The following ANO2 variants were observed in gnomAD, a reference collection of about 807,000 sequenced individuals.
The protein encoded by ANO2 is anoctamin 2, also known as anoctamin-2.
A neutral mutation model predicts 124.2 loss-of-function variants in ANO2; 101 were observed. The observed-to-expected ratio is 0.81, with a 90% CI of 0.69 to 0.96. The LOEUF (loss-of-function observed/expected upper bound fraction) is 0.96. Ranked by LOEUF, ANO2 falls within the 40% of genes least tolerant of loss-of-function variation. The probability of loss-of-function intolerance (pLI) is 0.00; values close to 1 mark genes in which losing one functional copy is unlikely to be tolerated. For missense variants in ANO2, 1,293 were observed against 1,274.5 expected, an observed-to-expected ratio of 1.01 and a Z score of -0.22; for synonymous variants, 486 against 482.5, an observed-to-expected ratio of 1.01 and a Z score of -0.09.
At position 5,904,949 on chromosome 12, in the gene ANO2, G is replaced by A. The variant is rs1940572686; in HGVS notation, c.534+16091C>T. On this transcript the variant is annotated intron_variant, in intron 3 of 24. Transcript: ENST00000682330. The surrounding 1 kb of genome is among the most constrained non-coding windows in gnomAD (Gnocchi z 4.1). The stretch of plus-strand genomic sequence containing the variant: ...AATGATAAGAAGAGGATACTCTCAA[G>A]TTCAGAGGTGTTCTTCTCCTCCCCT... Among the ~76,000 whole-genome samples, 2 of 152,162 alleles carry A rather than the reference G, an allele frequency of 1.3e-5. No homozygotes were observed. Among genetic ancestry groups the A allele is most frequent in the South Asian group, 4.1e-4 (2 of 4,832 alleles).
intron 4 of ANO2, among the ~76,000 whole-genome samples, chr12:5,845,895 T>C (rs1405197666): frequency 6.6e-6 from 1 of 152,250 alleles, no homozygotes; most frequent in Non-Finnish European, 1.5e-5. Context: ...ATAAGGCTCT[T>C]ACGAAATGGT....
intron 11 of ANO2, among the ~76,000 whole-genome samples, chr12:5,748,081 C>T (rs1337560064): frequency 6.6e-6 from 1 of 151,794 alleles, no homozygotes; most frequent in South Asian, 2.1e-4. Flanking sequence ...TGGGTGTGTG[C>T]GTCTGTGTGT....
chr12:5,760,738 C>G (rs1014743500), intron 10 of ANO2, among the ~76,000 whole-genome samples: 2 of 151,990 alleles, frequency 1.3e-5, no homozygotes, highest in Non-Finnish European at 2.9e-5. Flanking sequence ...AAACTTAACC[C>G]TCTCCTCAAA....
intron 13 of ANO2, 144 bp downstream of exon 13, chr12:5,739,173 A>G: frequency 1.2e-6 from 1 of 804,906 alleles, no homozygotes; most frequent in Non-Finnish European, 2.1e-6. Context: ...AAGTCCATGG[A>G]GCCAAGCTAC....
intron 14 of ANO2, among the ~76,000 whole-genome samples, chr12:5,681,560 C>A (rs1948491468): frequency 6.6e-6 from 1 of 152,202 alleles, no homozygotes; most frequent in South Asian, 2.1e-4. Context: ...CATTTTCCCA[C>A]TCACATCCCT....
chr12:5,738,836 C>T (rs930142056), intron 13 of ANO2, among the ~76,000 whole-genome samples: 4 of 152,164 alleles, frequency 2.6e-5, no homozygotes, highest in Non-Finnish European at 5.9e-5. Flanking sequence ...CTCCCCAACT[C>T]CTCAGTTTCA....
At chr12:5,820,848 G>C (rs1407154404) in intron 7 of ANO2, among the ~76,000 whole-genome samples, 2 of 152,222 alleles carry the variant, frequency 1.3e-5, no homozygotes, top group African/African-American at 2.4e-5. Context: ...ACCAGATGTG[G>C]TTTCATTGCT....
intron 14 of ANO2, among the ~76,000 whole-genome samples, chr12:5,710,886 G>A (rs762067303): frequency 5.3e-5 from 8 of 152,182 alleles, no homozygotes; most frequent in Admixed American, 3.3e-4. Flanking sequence ...CCTGGGCCGG[G>A]CGCGGTGGCT....
At chr12:5,883,502 GGTGTGTGTGTGTGTGTGTGTGT>G (rs5796191) in intron 3 of ANO2, among the ~76,000 whole-genome samples, 1 of 144,582 alleles carries the variant, frequency 6.9e-6, no homozygotes, top group Admixed American at 6.9e-5. Context: ...ACATTAGGGT[GGTGTGTGTGTGTGTGTGTGTGT>G]GTGTGTGTGT....
intron 14 of ANO2, among the ~76,000 whole-genome samples, chr12:5,693,393 C>T (rs1220617051): frequency 6.6e-6 from 1 of 152,146 alleles, no homozygotes; most frequent in Non-Finnish European, 1.5e-5. Flanking sequence ...GCCTTTGAAA[C>T]GTAGTCAGCA....
At chr12:5,588,573 A>C (rs1194640476) in intron 20 of ANO2, among the ~76,000 whole-genome samples, 2 of 152,166 alleles carry the variant, frequency 1.3e-5, no homozygotes, top group African/African-American at 4.8e-5. Context: ...GGCGCCCTGA[A>C]GGTCAGCTGG....
intron 15 of ANO2, among the ~76,000 whole-genome samples, chr12:5,645,059 G>A (rs553003067): frequency 6.6e-6 from 1 of 151,954 alleles, no homozygotes; most frequent in African/African-American, 2.4e-5. Flanking sequence ...TACTTTTTCT[G>A]CCTGGGTTTC....
At chr12:5,675,206 C>T (rs1291436095) in intron 14 of ANO2, among the ~76,000 whole-genome samples, 1 of 152,188 alleles carries the variant, frequency 6.6e-6, no homozygotes, top group Admixed American at 6.5e-5. Flanking sequence ...TCCGTTTCCA[C>T]AGACACACAC....
intron 20 of ANO2, among the ~76,000 whole-genome samples, chr12:5,582,721 A>C (rs1287238274): frequency 2.0e-5 from 3 of 152,162 alleles, no homozygotes; most frequent in Admixed American, 2.0e-4. Context: ...CTGCCTTCCA[A>C]CCATTCCAAG....
chr12:5,766,131 GA>G (rs1951881552), intron 10 of ANO2, among the ~76,000 whole-genome samples: 1 of 152,144 alleles, frequency 6.6e-6, no homozygotes, highest in South Asian at 2.1e-4. Context: ...AGGTATTTTG[GA>G]AAAACTGCTT....
intron 19 of ANO2, among the ~76,000 whole-genome samples, chr12:5,609,922 C>CAATATAGATATA (rs1944402806): frequency 7.0e-6 from 1 of 142,970 alleles, no homozygotes; most frequent in East Asian, 2.0e-4. Context: ...AAATTTATAT[C>CAATATAGATATA]TATATGAAAT....
chr12:5,789,667 C>T (rs1304483647), intron 10 of ANO2, among the ~76,000 whole-genome samples: 1 of 152,182 alleles, frequency 6.6e-6, no homozygotes, highest in African/African-American at 2.4e-5. Context: ...AGCAGTCTCC[C>T]AGGCAGGGAT....
intron 11 of ANO2, among the ~76,000 whole-genome samples, chr12:5,744,699 T>A (rs1951214740): frequency 6.6e-6 from 1 of 152,196 alleles, no homozygotes; most frequent in Admixed American, 6.5e-5. Flanking sequence ...CTGGATTTCA[T>A]CATCCATTCT....
At chr12:5,616,413 C>T (rs1312318066) in intron 16 of ANO2, among the ~76,000 whole-genome samples, 1 of 152,188 alleles carries the variant, frequency 6.6e-6, no homozygotes, top group Admixed American at 6.5e-5. Context: ...GGCCTCATCA[C>T]CTCCCATACA....
Sources: gnomAD v4.1 joint callset for allele counts (sites outside exome capture counted in the v4.1 genomes callset) on GRCh38, gnomAD v4.1.1 for gene constraint, Gnocchi (gnomAD v3.1) non-coding constraint, MANE v1.5 for transcripts, NCBI Gene and HGNC (gene_info 2026-07-23, HGNC 2026-07-21) for gene names.